HLA-DQB1: variants seen among roughly 807,000 people sequenced by gnomAD.
The protein encoded by HLA-DQB1 is major histocompatibility complex, class II, DQ beta 1.
Under a neutral mutation model 26.4 loss-of-function variants are expected in HLA-DQB1, and 13 were observed. The observed-to-expected ratio is 0.49, with a 90% CI of 0.32 to 0.78. The LOEUF (loss-of-function observed/expected upper bound fraction) is 0.78, where lower values mean the gene tolerates loss of function less well. Ranked by LOEUF, HLA-DQB1 falls within the 30% of genes least tolerant of loss-of-function variation. The pLI, the probability that HLA-DQB1 is intolerant of heterozygous loss-of-function variation, is 0.03. For synonymous variants in HLA-DQB1, 60 were observed against 129.1 expected (o/e 0.46, Z 3.63); for missense variants, 158 against 326.2 (o/e 0.48, Z 3.97).
At chr6:32,660,135 TC>T in exon 5 of HLA-DQB1, 1 of 573,120 alleles carries the variant, frequency 1.7e-6, no homozygotes, top group South Asian at 2.2e-5. Context: ...GACTTTGATC[TC>T]AGGGGGACAA....
In HLA-DQB1 at chr6:32,664,438, G is replaced by T. The variant is rs535947039; in HGVS notation, c.379+360C>A. On this transcript the variant is annotated intron_variant, in intron 2 of 4. Coordinates refer to ENST00000434651, the Ensembl canonical transcript of HLA-DQB1. Reference sequence around the variant, plus strand: ...GTGGGGCAGTGCTAGCGAGGCCGGCGGGCAGGGGAAGAGGGTGGGCACTGG... The same window carrying T: ...GTGGGGCAGTGCTAGCGAGGCCGGCTGGCAGGGGAAGAGGGTGGGCACTGG... The T allele has an allele frequency of 1.0e-3, 143 of 136,970 alleles. 47 individuals carry two copies. The highest frequency in any genetic ancestry group is 4.0e-3 in the African/African-American group (117 of 28,990). The allele number at this position is 136,970 out of a possible 1,614,324, so 8.5% of individuals were successfully genotyped here.
chr6:32,666,625 A>G (rs775216584), exon 1 of HLA-DQB1: 3 of 913,804 alleles, frequency 3.3e-6, no homozygotes, highest in Non-Finnish European at 3.4e-6. Flanking sequence ...ACGAAGGGAA[A>G]AGCAGTGGTA....
chr6:32,663,669 A>G (rs71542454), intron 2 of HLA-DQB1: 27,351 of 117,734 alleles, frequency 0.23, 2,649 homozygotes, highest in South Asian at 0.3. Context: ...AGATTAAATG[A>G]CATAACATAG....
chr6:32,665,305 G>GT (rs41268314), intron 1 of HLA-DQB1, among the ~76,000 whole-genome samples: 21,576 of 136,064 alleles, frequency 0.16, 2,346 homozygotes, highest in Middle Eastern at 0.3. Context: ...CCCTGTCCCT[G>GT]CCTGAGCCTG....
chr6:32,664,659 C>CT (rs369615824), intron 2 of HLA-DQB1, 139 bp downstream of exon 2: 80,866 of 248,474 alleles, frequency 0.33, 28,825 homozygotes, highest in African/African-American at 0.43. Flanking sequence ...GCCCCCACCA[C>CT]CCCGCCGCCG....
chr6:32,660,188 G>T, exon 5 of HLA-DQB1: 2 of 819,440 alleles, frequency 2.4e-6, no homozygotes, highest in Non-Finnish European at 1.8e-6. Flanking sequence ...GCATAAGCAG[G>T]CATCACAGAA....
chr6:32,661,314 C>G (rs9273595), intron 4 of HLA-DQB1, 33 bp downstream of exon 4: 276,581 of 1,300,004 alleles, frequency 0.21, 34,822 homozygotes, highest in South Asian at 0.24. Context: ...TGGGTCACAG[C>G]CCATCTTCCC....
At chr6:32,661,626 C>G (rs56412559) in intron 3 of HLA-DQB1, 169 bp from the exon 4 acceptor site, 6 of 450,070 alleles carry the variant, frequency 1.3e-5, no homozygotes, top group Non-Finnish European at 2.3e-5. Context: ...TCCTTGGATA[C>G]AGTGAATAGG....
intron 2 of HLA-DQB1, chr6:32,663,734 T>C (rs281863273): frequency 6.8e-6 from 1 of 147,766 alleles, no homozygotes; most frequent in Non-Finnish European, 1.5e-5. Flanking sequence ...ATGGGTAAAA[T>C]TGACTTTCAG....
At position 32,664,682 on chromosome 6, in the gene HLA-DQB1, T is replaced by A; in HGVS notation, c.379+116A>T. On this transcript the variant is annotated intron_variant, in intron 2 of 4. Transcript: ENST00000434651. ...CACCCCGCCGCCGCCTCCTTTCCCC[T>A]GGGGTGGAATGAACTGGGCTCAGAT... is the stretch of plus-strand genomic sequence containing the variant. 3.7e-5 allele frequency: 8 copies of A among 215,666 alleles called. No homozygotes were observed. In the East Asian group the frequency reaches 5.8e-4, roughly 16 times the overall value. 13.4% of individuals were successfully genotyped at this position (215,666 alleles called of 1,614,324 possible).
chr6:32,665,496 G>T (rs9274446), intron 1 of HLA-DQB1, among the ~76,000 whole-genome samples: 88,427 of 125,300 alleles, frequency 0.71, 34,427 homozygotes, highest in Middle Eastern at 0.87. Flanking sequence ...ATTAAGCCTG[G>T]CCTCGTTCTG....
chr6:32,666,570 A>C, exon 1 of HLA-DQB1: 1 of 1,196,688 alleles, frequency 8.4e-7, no homozygotes, highest in Non-Finnish European at 1.2e-6. Flanking sequence ...TGCTACCCGA[A>C]GGTCTCCGGG....
chr6:32,665,852 A>G (rs281861371), intron 1 of HLA-DQB1, among the ~76,000 whole-genome samples: 1 of 123,514 alleles, frequency 8.1e-6, no homozygotes, highest in Non-Finnish European at 1.7e-5. Context: ...GAGTGGTTTC[A>G]CAATATGTGT....
exon 2 of HLA-DQB1, chr6:32,664,900 A>T: frequency 7.3e-7 from 1 of 1,365,462 alleles, no homozygotes; most frequent in African/African-American, 1.6e-5. Flanking sequence ...TGGCTGTTCC[A>T]GTACTCGGCA....
At chr6:32,662,093 G>A (rs9273971) in exon 3 of HLA-DQB1, 2 of 1,519,308 alleles carry the variant, frequency 1.3e-6, no homozygotes, top group Non-Finnish European at 1.8e-6. Context: ...TTCCTAATAA[G>A]GGGGGTGGAC....
exon 2 of HLA-DQB1, chr6:32,664,898 C>G: frequency 7.3e-7 from 1 of 1,365,070 alleles, no homozygotes; most frequent in South Asian, 1.2e-5. Context: ...TCTGGCTGTT[C>G]CAGTACTCGG....
intron 4 of HLA-DQB1, among the ~76,000 whole-genome samples, chr6:32,661,113 G>A (rs9273550): frequency 0.18 from 19,916 of 112,960 alleles, 2,658 homozygotes; most frequent in Middle Eastern, 0.3. Context: ...AAAGGAGCCA[G>A]TGAGACAATG....
chr6:32,662,756 G>A (rs41270924), intron 2 of HLA-DQB1: 22,470 of 110,148 alleles, frequency 0.2, 2,752 homozygotes, highest in Middle Eastern at 0.39. Flanking sequence ...CTCTTAGTGT[G>A]AAACTATAGC....
At chr6:32,661,909 T>A in intron 3 of HLA-DQB1, 58 bp downstream of exon 3, 1 of 1,138,066 alleles carries the variant, frequency 8.8e-7, no homozygotes, top group Non-Finnish European at 1.2e-6. Flanking sequence ...AAGGAATGGG[T>A]CAGAAGGAGC....
Sources: allele counts gnomAD v4.1 joint callset (sites outside exome capture counted in the v4.1 genomes callset), GRCh38; gene constraint gnomAD v4.1.1; transcripts MANE v1.5; gene names NCBI Gene and HGNC (gene_info 2026-07-23, HGNC 2026-07-21).